Variants in ZNF521 observed in about 807,000 individuals in gnomAD.
ZNF521 encodes the protein LYST-interacting protein 3.
Under a neutral mutation model 105.5 loss-of-function variants are expected in ZNF521, and 14 were observed. The observed-to-expected ratio is 0.13, with a 90% CI of 0.09 to 0.21. The LOEUF (loss-of-function observed/expected upper bound fraction) is 0.21, where lower values mean the gene tolerates loss of function less well. ZNF521 is among the 10% of genes least tolerant of loss of function. The probability of loss-of-function intolerance (pLI) is 1.00; values close to 1 mark genes in which losing one functional copy is unlikely to be tolerated. For missense variants in ZNF521, 1,233 were observed against 1,629.7 expected, an observed-to-expected ratio of 0.76 and a Z score of 4.19; for synonymous variants, 635 against 606.0, an observed-to-expected ratio of 1.05 and a Z score of -0.70.
At chr18:25,265,800 G>A (rs1230092868) in intron 3 of ZNF521, among the ~76,000 whole-genome samples, 1 of 152,212 alleles carries the variant, frequency 6.6e-6, no homozygotes, top group East Asian at 1.9e-4. Flanking sequence ...TCTATCAACA[G>A]ATGAATGGGA....
chr18:25,105,165 T>C (rs2034047109), intron 5 of ZNF521, among the ~76,000 whole-genome samples: 1 of 152,084 alleles, frequency 6.6e-6, no homozygotes, highest in Non-Finnish European at 1.5e-5. Flanking sequence ...GCTAGACACG[T>C]CTCCAAAGGG....
intron 5 of ZNF521, among the ~76,000 whole-genome samples, chr18:25,153,681 G>C (rs1163601325): frequency 6.6e-6 from 1 of 152,192 alleles, no homozygotes; most frequent in African/African-American, 2.4e-5. Context: ...TCAAACATTT[G>C]ATGCATTTTA....
chr18:25,207,162 A>T (rs916334439), intron 4 of ZNF521, among the ~76,000 whole-genome samples: 1 of 152,194 alleles, frequency 6.6e-6, no homozygotes, highest in Admixed American at 6.5e-5. Context: ...TTAGGATTGA[A>T]ACGGACAAGT....
chr18:25,131,822 T>C (rs2034646744), intron 5 of ZNF521, among the ~76,000 whole-genome samples: 1 of 152,208 alleles, frequency 6.6e-6, no homozygotes, highest in Admixed American at 6.5e-5. Context: ...TAGTGAACTC[T>C]TGATTATACA....
chr18:25,347,051 A>C (rs927359018), intron 2 of ZNF521, among the ~76,000 whole-genome samples: 9 of 152,212 alleles, frequency 5.9e-5, no homozygotes, highest in Non-Finnish European at 1.2e-4. Context: ...CTTCCATCAG[A>C]GAGGCACCAC....
intron 4 of ZNF521, chr18:25,201,956 T>C (rs2036001058): frequency 1.3e-5 from 2 of 152,292 alleles, no homozygotes; most frequent in South Asian, 4.1e-4. Flanking sequence ...ACACCTGCAC[T>C]AAACAGTAAT....
rs1491252080 is a variant in ZNF521 at position 25,098,280 on chromosome 18, GCA to G, written c.3659-6201_3659-6200del. On this transcript the variant is annotated intron_variant, in intron 5 of 7. Coordinates refer to ENST00000361524, the MANE Select transcript of ZNF521 (RefSeq NM_015461.3). The stretch of plus-strand genomic sequence containing the variant: ...TGGCACAAGTAGGGAATGGGGATAA[GCA>G]CACAGACTACAATGTTTTTCAAACC... Among the ~76,000 whole-genome samples the G allele has an allele frequency of 3.9e-5, 6 of 152,178 alleles. No individual in the cohort carries two copies. In the East Asian group the frequency reaches 1.2e-3, roughly 29 times the overall value.
chr18:25,153,235 C>T (rs558800255), intron 5 of ZNF521, among the ~76,000 whole-genome samples: 1 of 152,246 alleles, frequency 6.6e-6, no homozygotes, highest in Admixed American at 6.5e-5. Context: ...AAGTAATTCA[C>T]TTGGTCATGT....
intron 3 of ZNF521, among the ~76,000 whole-genome samples, chr18:25,303,517 C>T (rs947770489): frequency 6.6e-6 from 1 of 152,058 alleles, no homozygotes; most frequent in Non-Finnish European, 1.5e-5. Context: ...AGGCTGGTCT[C>T]GAACTCCTGA....
chr18:25,240,861 C>G (rs1186360471), intron 3 of ZNF521, among the ~76,000 whole-genome samples: 1 of 151,498 alleles, frequency 6.6e-6, no homozygotes, highest in African/African-American at 2.4e-5. Flanking sequence ...TCTTTCTTAT[C>G]CAGGTTCCCT....
chr18:25,311,946 T>C (rs1268826754), intron 3 of ZNF521, among the ~76,000 whole-genome samples: 1 of 152,188 alleles, frequency 6.6e-6, no homozygotes, highest in African/African-American at 2.4e-5. Context: ...TTAAAACTAA[T>C]ATAAGATATT....
chr18:25,312,724 T>G lies in ZNF521; in HGVS notation c.220+9284A>C, dbSNP rs1226690305. On this transcript the variant is annotated intron_variant, in intron 3 of 7. Coordinates refer to ENST00000361524, the MANE Select transcript of ZNF521 (RefSeq NM_015461.3). ...TACTCGGGAGGCTGAGGCAGGAGAA[T>G]GGCGTGAACCCGGGAAGCGGAGCTT... 3.7e-5 allele frequency among the ~76,000 whole-genome samples: 3 copies of G among 81,450 alleles called. 1 individual carries two copies. The highest frequency in any genetic ancestry group is 5.0e-5 in the Non-Finnish European group (2 of 39,794). The allele number at this position is 81,450 out of a possible 152,430, so 53.4% of individuals were successfully genotyped here. A position where few individuals can be genotyped will look rare whatever the true frequency, so the allele number is the denominator to read the frequency against.
chr18:25,063,535 G>C (rs1044272797), intron 7 of ZNF521, among the ~76,000 whole-genome samples: 2 of 152,100 alleles, frequency 1.3e-5, no homozygotes, highest in Non-Finnish European at 2.9e-5. Flanking sequence ...GGGTAACTGG[G>C]ATTGCTGGGC....
At chr18:25,181,280 A>T (rs2035627083) in intron 5 of ZNF521, among the ~76,000 whole-genome samples, 1 of 152,188 alleles carries the variant, frequency 6.6e-6, no homozygotes, top group Non-Finnish European at 1.5e-5. Flanking sequence ...GAGCAAGGCC[A>T]GGTTCACAAT....
intron 5 of ZNF521, among the ~76,000 whole-genome samples, chr18:25,094,252 C>T (rs908907805): frequency 1.3e-5 from 2 of 151,998 alleles, no homozygotes; most frequent in Non-Finnish European, 2.9e-5. Flanking sequence ...TCTTTCTTGA[C>T]TATGAGTATT....
rs115420852 is a variant in ZNF521, at chr18:25,225,374, G to A, written c.2544C>T (p.Ser848=). The change falls in exon 4 of 8, where the codon TCC becomes TCT. Residue 848 remains serine (S), a synonymous_variant. Coordinates refer to ENST00000361524, the MANE Select transcript of ZNF521 (RefSeq NM_015461.3). This position sits in a 1 kb window ranked among gnomAD's most constrained non-coding sequence, Gnocchi z 5.6. ...KTPNCGTNGA[S]EQVQKEEVEL... ...CCACTTCCTCTTTCTGCACTTGCTC[G>A]GAAGCTCCATTTGTTCCACAGTTGG... The A allele has an allele frequency of 1.1e-3, 1,708 of 1,614,080 alleles. 20 individuals carry two copies. The African/African-American group carries it at 0.02, about 19-fold the overall frequency.
intron 2 of ZNF521, among the ~76,000 whole-genome samples, chr18:25,342,649 C>T (rs935766416): frequency 1.3e-5 from 2 of 151,692 alleles, no homozygotes; most frequent in East Asian, 1.9e-4. Flanking sequence ...AGGATGGTCT[C>T]GATCTCCTGA....
intron 5 of ZNF521, among the ~76,000 whole-genome samples, chr18:25,120,144 G>A (rs34762473): frequency 1.4e-3 from 218 of 152,298 alleles, no homozygotes; most frequent in Admixed American, 2.8e-3. Flanking sequence ...AAGAAAGGTA[G>A]ACACAATTCC....
intron 7 of ZNF521, among the ~76,000 whole-genome samples, chr18:25,063,668 A>G (rs1663857104): frequency 6.6e-6 from 1 of 152,122 alleles, no homozygotes; most frequent in African/African-American, 2.4e-5. Flanking sequence ...AAGGATGAAG[A>G]GATAACCTGG....
Sources: gnomAD v4.1 joint callset for allele counts (sites outside exome capture counted in the v4.1 genomes callset) on GRCh38, gnomAD v4.1.1 for gene constraint, Gnocchi (gnomAD v3.1) non-coding constraint, MANE v1.5 for transcripts, NCBI Gene and HGNC (gene_info 2026-07-23, HGNC 2026-07-21) for gene names.